Variants in SSX2IP observed in about 807,000 individuals in gnomAD.
The protein encoded by SSX2IP is afadin- and alpha-actinin-binding protein.
A neutral mutation model predicts 84.9 loss-of-function variants in SSX2IP; 55 were observed. The observed-to-expected ratio is 0.65, with a 90% CI of 0.52 to 0.81. The LOEUF (loss-of-function observed/expected upper bound fraction) is 0.81. Among genes scored for constraint, SSX2IP ranks in the 30% least tolerant of loss-of-function variants. The pLI is 0.00. For missense variants in SSX2IP, 664 were observed against 705.2 expected, an observed-to-expected ratio of 0.94 and a Z score of 0.66; for synonymous variants, 239 against 234.7, an observed-to-expected ratio of 1.02 and a Z score of -0.17.
At chr1:84,653,318 C>T (rs1650586953) in intron 11 of SSX2IP, among the ~76,000 whole-genome samples, 1 of 152,156 alleles carries the variant, frequency 6.6e-6, no homozygotes, top group Admixed American at 6.5e-5. Context: ...ATCCTCTAGC[C>T]ATCTACCAGT....
intron 1 of SSX2IP, among the ~76,000 whole-genome samples, chr1:84,679,524 G>A (rs994078768): frequency 1.3e-5 from 2 of 152,182 alleles, no homozygotes; most frequent in Non-Finnish European, 2.9e-5. Context: ...AGGATTTATA[G>A]TTGGAAAGTA....
chr1:84,645,811 T>C lies in SSX2IP; in HGVS notation c.*1622A>G, dbSNP rs2102092289. The C allele has an allele frequency of 6.6e-6, 1 of 152,286 alleles. No individual in the cohort carries two copies. The highest frequency in any genetic ancestry group is 3.4e-3 in the Middle Eastern group (1 of 294). The allele number at this position is 152,286 out of a possible 1,614,324, so 9.4% of individuals were successfully genotyped here. ...GATATTTTGTACAATGTGTAGTATT[T>C]TAAATAGTAAAGAAGTGACCATGCA... On this transcript the variant is annotated 3_prime_UTR_variant, in exon 14 of 14. Coordinates refer to ENST00000342203, the MANE Select transcript of SSX2IP (RefSeq NM_001166293.2).
chr1:84,662,028 A>G (rs1431490001), intron 8 of SSX2IP, among the ~76,000 whole-genome samples, 170 bp downstream of exon 8: 1 of 152,210 alleles, frequency 6.6e-6, no homozygotes, highest in African/African-American at 2.4e-5. Context: ...GAAATGTCTG[A>G]AAACACATAG....
chr1:84,655,861 T>C lies in SSX2IP; in HGVS notation c.1360A>G (p.Thr454Ala). The C allele has an allele frequency of 2.5e-6, 4 of 1,613,886 alleles. No individual in the cohort carries two copies. The South Asian group carries it at 4.4e-5, about 18-fold the overall frequency. The change falls in exon 11 of 14, where the codon ACA becomes GCA. Residue 454 changes from threonine (T) to alanine (A), a missense_variant. By Grantham distance (58) the Thr-to-Ala change is moderately conservative. Coordinates refer to ENST00000342203, the MANE Select transcript of SSX2IP (RefSeq NM_001166293.2). ...AATCCCAGGCGAATAGCGGCTTCTG[T>C]AAAGCTTCGTCTCTCCCTCTCAAAA... ...KNFERERRSFTEAAIRLGLER... is the reference protein window; with the variant it reads ...KNFERERRSFAEAAIRLGLER...
chr1:84,681,547 G>C (rs1043361181), intron 1 of SSX2IP, among the ~76,000 whole-genome samples: 1 of 152,112 alleles, frequency 6.6e-6, no homozygotes, highest in Non-Finnish European at 1.5e-5. Context: ...TACAGGGAGG[G>C]GTAGAAGAGC....
chr1:84,688,366 A>G (rs1294457287), intron 1 of SSX2IP, among the ~76,000 whole-genome samples: 1 of 152,234 alleles, frequency 6.6e-6, no homozygotes, highest in Non-Finnish European at 1.5e-5. Flanking sequence ...AAATGGTGAA[A>G]CCAGTAAGGC....
chr1:84,662,643 A>G, intron 6 of SSX2IP, 113 bp from the exon 7 acceptor site: 1 of 1,146,714 alleles, frequency 8.7e-7, no homozygotes, highest in Middle Eastern at 2.1e-4. Context: ...ATAGGTTAGG[A>G]TTTGGGCTTA....
chr1:84,654,468 G>A (rs1044350501), intron 11 of SSX2IP, among the ~76,000 whole-genome samples: 8 of 151,842 alleles, frequency 5.3e-5, no homozygotes, highest in African/African-American at 1.9e-4. Context: ...AATTCAGAAT[G>A]TTTACAGCTC....
Position 84,655,869 on chromosome 1 carries a change from C to A in SSX2IP, c.1352G>T (p.Arg451Leu), listed in dbSNP as rs748362670. The A allele has an allele frequency of 3.7e-6, 6 of 1,613,814 alleles. No individual in the cohort carries two copies. The highest frequency in any genetic ancestry group is 1.7e-5 in the Admixed American group (1 of 59,974). The change falls in exon 11 of 14, where the codon CGA becomes CTA. Residue 451 changes from arginine to leucine, a missense_variant. Physicochemically the swap from Arg to Leu is moderately radical, Grantham distance 102. Transcript: ENST00000342203. ...EQKKNFERER[R>L]SFTEAAIRLG... ...GCGAATAGCGGCTTCTGTAAAGCTTCGTCTCTCCCTCTCAAAATTCTTTTT... is the reference window on the plus strand; with the variant it reads ...GCGAATAGCGGCTTCTGTAAAGCTTAGTCTCTCCCTCTCAAAATTCTTTTT...
chr1:84,688,482 G>A (rs1016114982), intron 1 of SSX2IP, among the ~76,000 whole-genome samples: 2 of 152,096 alleles, frequency 1.3e-5, no homozygotes, highest in African/African-American at 2.4e-5. Context: ...ATTTGGGGGC[G>A]GTGTCTTTTC....
At chr1:84,676,843 C>G (rs1654421520) in intron 1 of SSX2IP, among the ~76,000 whole-genome samples, 1 of 151,070 alleles carries the variant, frequency 6.6e-6, no homozygotes, top group African/African-American at 2.4e-5. Flanking sequence ...CTGCCTCAGC[C>G]TTCTGAGTAG....
chr1:84,684,891 T>C (rs1290369019), intron 1 of SSX2IP, among the ~76,000 whole-genome samples: 1 of 151,778 alleles, frequency 6.6e-6, no homozygotes, highest in Non-Finnish European at 1.5e-5. Context: ...TGTGATGCAA[T>C]AAAACTATAA....
chr1:84,653,704 A>C (rs1650664034), intron 11 of SSX2IP, among the ~76,000 whole-genome samples: 1 of 152,228 alleles, frequency 6.6e-6, no homozygotes, highest in Non-Finnish European at 1.5e-5. Flanking sequence ...GCTACTGAAA[A>C]CAAGCAACAC....
rs1005540518 is a variant in SSX2IP at position 84,669,667 on chromosome 1, T to C, written c.426+14A>G. 3 of 1,597,900 alleles carry C rather than the reference T, an allele frequency of 1.9e-6. No individual in the cohort carries two copies. The highest frequency in any genetic ancestry group is 2.6e-6 in the Non-Finnish European group (3 of 1,165,892). On this transcript the variant is annotated intron_variant, in intron 4 of 13. Transcript: ENST00000342203. ...TATAATTATGGCATTAAAATATGGA[T>C]CTGCAATTTCTACCTTAAGTTTTGA...
chr1:84,655,401 G>A (rs935840726), intron 11 of SSX2IP: 2 of 1,273,430 alleles, frequency 1.6e-6, no homozygotes, highest in Admixed American at 4.8e-5. Context: ...AAAGCAAGCT[G>A]TAGAGCGTAT....
intron 11 of SSX2IP, among the ~76,000 whole-genome samples, chr1:84,653,644 G>C (rs1217978037): frequency 6.6e-6 from 1 of 152,194 alleles, no homozygotes; most frequent in Non-Finnish European, 1.5e-5. Flanking sequence ...CCTGAAGATA[G>C]CTACTGATGA....
chr1:84,667,874 T>G (rs938217273), intron 4 of SSX2IP, among the ~76,000 whole-genome samples: 4 of 152,168 alleles, frequency 2.6e-5, no homozygotes, highest in African/African-American at 9.7e-5. Flanking sequence ...GAACAATTAA[T>G]GAAGCAAACA....
intron 12 of SSX2IP, among the ~76,000 whole-genome samples, chr1:84,651,545 T>C (rs1172835910): frequency 6.6e-6 from 1 of 151,940 alleles, no homozygotes; most frequent in East Asian, 1.9e-4. Context: ...CTGGCCAATA[T>C]GGTAAAAACC....
chr1:84,662,988 T>C (rs527694052), intron 6 of SSX2IP, among the ~76,000 whole-genome samples: 8 of 152,300 alleles, frequency 5.3e-5, no homozygotes, highest in African/African-American at 1.9e-4. Context: ...ATATACTGCC[T>C]ATGGCTACTT....
Sources: allele counts gnomAD v4.1 joint callset (sites outside exome capture counted in the v4.1 genomes callset), GRCh38; gene constraint gnomAD v4.1.1; transcripts MANE v1.5; gene names NCBI Gene and HGNC (gene_info 2026-07-23, HGNC 2026-07-21).